Variants in CSMD1 observed in about 807,000 individuals in gnomAD.
CSMD1 encodes CUB and Sushi multiple domains 1, also known as CUB and sushi domain-containing protein 1.
In CSMD1, 213 loss-of-function variants were observed where a neutral mutation model predicts 417.5. The observed-to-expected ratio is 0.51, with a 90% CI of 0.46 to 0.57. The LOEUF is 0.57. Ranked by LOEUF, CSMD1 falls within the 20% of genes least tolerant of loss-of-function variation. The pLI is 0.00. For missense variants in CSMD1, 6,923 were observed against 4,529.7 expected (o/e 1.53, Z -15.17); for synonymous variants, 2,862 against 1,736.8 (o/e 1.65, Z -16.11).
chr8:4,871,825 G>A (rs1239499667), intron 1 of CSMD1, among the ~76,000 whole-genome samples: 7 of 152,020 alleles, frequency 4.6e-5, no homozygotes, highest in South Asian at 2.1e-4. Context: ...TAACATCAGA[G>A]GACAGGCAGG....
chr8:3,209,834 C>T (rs1385870539), intron 30 of CSMD1, among the ~76,000 whole-genome samples: 1 of 152,122 alleles, frequency 6.6e-6, no homozygotes, highest in East Asian at 1.9e-4. Context: ...AAGAAGCTTG[C>T]TTATCCATTT....
At chr8:3,715,121 C>T (rs771539371) in intron 6 of CSMD1, among the ~76,000 whole-genome samples, 1 of 152,162 alleles carries the variant, frequency 6.6e-6, no homozygotes, top group Non-Finnish European at 1.5e-5. Context: ...GAGGAAGAGT[C>T]ATCGAAATTC....
chr8:4,428,942 G>T (rs930718341), intron 2 of CSMD1, among the ~76,000 whole-genome samples: 2 of 152,010 alleles, frequency 1.3e-5, no homozygotes, highest in Non-Finnish European at 2.9e-5. Flanking sequence ...TCAGATTCCT[G>T]ACTTGAAGTG....
intron 7 of CSMD1, among the ~76,000 whole-genome samples, chr8:3,697,266 C>T (rs899261328): frequency 1.3e-5 from 2 of 152,120 alleles, no homozygotes; most frequent in South Asian, 4.1e-4. Flanking sequence ...ATTCTGTAAG[C>T]ACTCTAATGA....
intron 2 of CSMD1, among the ~76,000 whole-genome samples, chr8:4,552,577 G>T (rs562118227): frequency 2.4e-4 from 37 of 152,110 alleles, no homozygotes; most frequent in Admixed American, 7.2e-4. Flanking sequence ...TGGGCATCCG[G>T]TTCTCCTGAA....
At chr8:3,604,652 G>T (rs763680192) in intron 8 of CSMD1, among the ~76,000 whole-genome samples, 2 of 152,124 alleles carry the variant, frequency 1.3e-5, no homozygotes, top group Non-Finnish European at 2.9e-5. Flanking sequence ...CCAAAAAGCA[G>T]GTGGAAATAC....
At chr8:4,286,077 G>A (rs1261258843) in intron 3 of CSMD1, among the ~76,000 whole-genome samples, 6 of 152,138 alleles carry the variant, frequency 3.9e-5, no homozygotes, top group Admixed American at 1.3e-4. Flanking sequence ...AAATACAGCT[G>A]GAGAAATACA....
intron 6 of CSMD1, among the ~76,000 whole-genome samples, chr8:3,747,494 T>A (rs575927242): frequency 7.6e-6 from 1 of 132,056 alleles, no homozygotes; most frequent in Admixed American, 7.8e-5. Flanking sequence ...AAATCATACG[T>A]TTGTTTTTTT....
chr8:3,872,351 G>T (rs758709519), intron 5 of CSMD1, among the ~76,000 whole-genome samples: 1 of 152,190 alleles, frequency 6.6e-6, no homozygotes, highest in Admixed American at 6.5e-5. Context: ...CAAAGTGCCA[G>T]GTGCTGTGTT....
chr8:4,251,782 G>C (rs888052052), intron 3 of CSMD1, among the ~76,000 whole-genome samples: 3 of 151,506 alleles, frequency 2.0e-5, no homozygotes, highest in African/African-American at 7.3e-5. Context: ...CAGGGATGGA[G>C]AGATGGAGGA....
chr8:4,178,126 A>C (rs1270814201), intron 3 of CSMD1, among the ~76,000 whole-genome samples: 1 of 152,148 alleles, frequency 6.6e-6, no homozygotes, highest in Non-Finnish European at 1.5e-5. Flanking sequence ...AGACACAACC[A>C]AAAAAGAGAA....
intron 5 of CSMD1, among the ~76,000 whole-genome samples, chr8:3,859,198 C>G (rs186336526): frequency 6.6e-6 from 1 of 152,154 alleles, no homozygotes; most frequent in East Asian, 1.9e-4. Flanking sequence ...ATGTGCGTAG[C>G]AGAGGAGTAC....
chr8:3,201,798 A>C (rs1043829595), intron 31 of CSMD1, 73 bp from the exon 32 acceptor site: 1 of 751,850 alleles, frequency 1.3e-6, no homozygotes, highest in African/African-American at 1.8e-5. Context: ...GATTTCACTG[A>C]ATATCTATTA....
chr8:4,037,680 G>T (rs932116542), intron 3 of CSMD1, among the ~76,000 whole-genome samples: 2 of 152,122 alleles, frequency 1.3e-5, no homozygotes, highest in African/African-American at 4.8e-5. Context: ...TGATTTTAAA[G>T]GGGAAGGTGT....
intron 2 of CSMD1, among the ~76,000 whole-genome samples, chr8:4,559,520 T>C (rs1189996823): frequency 1.4e-4 from 22 of 152,338 alleles, no homozygotes; most frequent in African/African-American, 4.8e-4. Context: ...CGAGGGTTCA[T>C]ATTAAGTTCT....
At chr8:4,675,249 C>T (rs1805600172) in intron 1 of CSMD1, among the ~76,000 whole-genome samples, 1 of 152,162 alleles carries the variant, frequency 6.6e-6, no homozygotes, top group African/African-American at 2.4e-5. Context: ...GTATTTAAAA[C>T]ACTTAAAACT....
intron 3 of CSMD1, among the ~76,000 whole-genome samples, chr8:4,176,148 G>T (rs1372394358): frequency 6.6e-6 from 1 of 152,026 alleles, no homozygotes; most frequent in Non-Finnish European, 1.5e-5. Flanking sequence ...TATAGGGGTG[G>T]AAAAGAGACT....
intron 2 of CSMD1, among the ~76,000 whole-genome samples, chr8:4,527,955 C>A (rs1305462346): frequency 6.6e-6 from 1 of 152,124 alleles, no homozygotes; most frequent in Non-Finnish European, 1.5e-5. Flanking sequence ...CCAGGGCACT[C>A]TGGATTGTAT....
At chr8:4,354,853 T>A (rs1309735281) in intron 3 of CSMD1, among the ~76,000 whole-genome samples, 2 of 138,744 alleles carry the variant, frequency 1.4e-5, no homozygotes, top group Non-Finnish European at 3.1e-5. Flanking sequence ...GGCAGGTAAA[T>A]GAGGAAAATG....
Sources: allele counts gnomAD v4.1 joint callset (sites outside exome capture counted in the v4.1 genomes callset), GRCh38; gene constraint gnomAD v4.1.1; transcripts MANE v1.5; gene names NCBI Gene and HGNC (gene_info 2026-07-23, HGNC 2026-07-21).